The following TMC2 variants were observed in gnomAD, a reference collection of about 807,000 sequenced individuals.
TMC2 encodes the protein transmembrane channel-like protein 2.
TMC2 carries 102 observed loss-of-function variants against 105.9 expected under a neutral mutation model. That is an observed-to-expected ratio of 0.96 (90% CI 0.82 to 1.14). The LOEUF is 1.14. TMC2 is among the 50% of genes most tolerant of loss of function. The pLI, the probability that TMC2 is intolerant of heterozygous loss-of-function variation, is 0.00. For synonymous variants in TMC2, 402 were observed against 422.8 expected (o/e 0.95, Z 0.60); for missense variants, 1,093 against 1,134.3 (o/e 0.96, Z 0.52).
chr20:2,621,365 A>C (rs1271052619), intron 16 of TMC2, among the ~76,000 whole-genome samples: 2 of 149,788 alleles, frequency 1.3e-5, no homozygotes, highest in African/African-American at 5.0e-5. Context: ...CCATCTCAAC[A>C]ACAACAAAAA....
chr20:2,612,796 G>C (rs1770739614), intron 13 of TMC2, among the ~76,000 whole-genome samples: 1 of 152,304 alleles, frequency 6.6e-6, no homozygotes, highest in South Asian at 2.1e-4. Flanking sequence ...TCTTAGTGGG[G>C]GCAGCTGGCA....
At chr20:2,615,000 GT>G (rs900828960) in intron 14 of TMC2, among the ~76,000 whole-genome samples, 1 of 151,822 alleles carries the variant, frequency 6.6e-6, no homozygotes, top group East Asian at 1.9e-4. Context: ...GTAGATATGT[GT>G]TTTTTTTAAC....
intron 7 of TMC2, among the ~76,000 whole-genome samples, chr20:2,591,728 G>A (rs1383065532): frequency 1.3e-5 from 2 of 151,014 alleles, no homozygotes; most frequent in African/African-American, 4.9e-5. Context: ...GAAAAGAAAA[G>A]AGAAAAGAGA....
At chr20:2,541,173 G>A (rs1051650908) in intron 2 of TMC2, among the ~76,000 whole-genome samples, 7 of 152,190 alleles carry the variant, frequency 4.6e-5, no homozygotes, top group Middle Eastern at 3.4e-3. Flanking sequence ...AAGACTTCAT[G>A]GTAATTATTT....
At chr20:2,565,285 G>C (rs903482333) in intron 4 of TMC2, among the ~76,000 whole-genome samples, 1 of 152,188 alleles carries the variant, frequency 6.6e-6, no homozygotes, top group South Asian at 2.1e-4. Flanking sequence ...CTGTGATGTC[G>C]GTACTGCCAT....
At chr20:2,573,140 TA>T (rs1568509863) in intron 5 of TMC2, among the ~76,000 whole-genome samples, 1 of 152,086 alleles carries the variant, frequency 6.6e-6, no homozygotes, top group South Asian at 2.1e-4. Flanking sequence ...ACTTTGTTTT[TA>T]AAAAATAAAA....
chr20:2,604,997 C>A (rs2086378433), intron 11 of TMC2, among the ~76,000 whole-genome samples: 1 of 152,228 alleles, frequency 6.6e-6, no homozygotes, highest in Non-Finnish European at 1.5e-5. Flanking sequence ...GTGAGAATCT[C>A]TGCTTTATAG....
intron 7 of TMC2, among the ~76,000 whole-genome samples, chr20:2,586,225 T>G (rs60424585): frequency 0.06 from 9,123 of 152,204 alleles, 892 homozygotes; most frequent in African/African-American, 0.2. Flanking sequence ...CTCCTTGAGT[T>G]CAGTTCTCTT....
rs1176122930 is a variant in TMC2 at position 2,592,082 on chromosome 20, G to A, written c.835-228G>A. Among the ~76,000 whole-genome samples, 1 of 152,226 alleles carries A rather than the reference G, an allele frequency of 6.6e-6. No individual in the cohort carries two copies. Among genetic ancestry groups the A allele is most frequent in the African/African-American group, 2.4e-5 (1 of 41,462 alleles). On this transcript the variant is annotated intron_variant, in intron 7 of 19. Coordinates refer to ENST00000358864, the MANE Select transcript of TMC2 (RefSeq NM_080751.3). The surrounding 1 kb of genome is among the most constrained non-coding windows in gnomAD (Gnocchi z 4.9). ...CAGGAGAATCACTTGAACCTGGGAGGCGGAGGTTACAGTAAGCTGAGACTG... is the reference window on the plus strand; with the variant it reads ...CAGGAGAATCACTTGAACCTGGGAGACGGAGGTTACAGTAAGCTGAGACTG...
intron 2 of TMC2, among the ~76,000 whole-genome samples, chr20:2,555,080 T>G (rs1171051598): frequency 6.6e-6 from 1 of 151,986 alleles, no homozygotes; most frequent in Non-Finnish European, 1.5e-5. Context: ...AGTTTTTTTA[T>G]GTTTTTGTTT....
At position 2,616,952 on chromosome 20, in the gene TMC2, C is replaced by A. The variant is rs1805087385; in HGVS notation, c.1941-120C>A. The A allele has an allele frequency of 1.7e-6, 2 of 1,186,918 alleles. No individual in the cohort carries two copies. The highest frequency in any genetic ancestry group is 4.0e-5 in the Admixed American group (2 of 49,568). 73.5% of individuals were successfully genotyped at this position (1,186,918 alleles called of 1,614,324 possible). A position where few individuals can be genotyped will look rare whatever the true frequency, so the allele number is the denominator to read the frequency against. On this transcript the variant is annotated intron_variant, in intron 15 of 19. Coordinates refer to ENST00000358864, the MANE Select transcript of TMC2 (RefSeq NM_080751.3). This position sits in a 1 kb window ranked among gnomAD's most constrained non-coding sequence, Gnocchi z 4.8. ...AAATGGGAGGCCCCTTACCTGGGGACTTGCCAGGAAAGCAGCTCGGCCTCA... is the reference window on the plus strand; with the variant it reads ...AAATGGGAGGCCCCTTACCTGGGGAATTGCCAGGAAAGCAGCTCGGCCTCA...
rs1206445417 is a variant in TMC2, at chr20:2,597,124, G to C, written c.1077-27G>C. The C allele has an allele frequency of 6.8e-6, 11 of 1,608,480 alleles. No homozygotes were observed. In the East Asian group the frequency reaches 2.5e-4, roughly 36 times the overall value. On this transcript the variant is annotated intron_variant, in intron 9 of 19. Transcript: ENST00000358864. ...GTGACACAGCAGAAAGAGGGCAGACGTCACAACAGTGCTGTGTGCCCTACA... is the reference window on the plus strand; with the variant it reads ...GTGACACAGCAGAAAGAGGGCAGACCTCACAACAGTGCTGTGTGCCCTACA...
At chr20:2,638,658 C>A (rs749313548) in intron 19 of TMC2, among the ~76,000 whole-genome samples, 1 of 152,058 alleles carries the variant, frequency 6.6e-6, no homozygotes, top group Non-Finnish European at 1.5e-5. Context: ...TATTGATGAT[C>A]CCAACCCTTT....
chr20:2,583,860 G>A (rs544357791), intron 7 of TMC2, among the ~76,000 whole-genome samples: 11 of 152,086 alleles, frequency 7.2e-5, no homozygotes, highest in African/African-American at 1.4e-4. Flanking sequence ...TCCTGGAAGC[G>A]AAGGACCCAG....
At chr20:2,554,198 C>T (rs1345876821) in intron 2 of TMC2, among the ~76,000 whole-genome samples, 1 of 152,054 alleles carries the variant, frequency 6.6e-6, no homozygotes, top group African/African-American at 2.4e-5. Flanking sequence ...CCTTTATTAT[C>T]TTTTTAATGT....
intron 11 of TMC2, among the ~76,000 whole-genome samples, chr20:2,607,896 G>A (rs6132827): frequency 0.22 from 33,883 of 152,024 alleles, 4,259 homozygotes; most frequent in East Asian, 0.36. Context: ...AGGCCAAGGC[G>A]GGTGGATCAC....
At chr20:2,538,600 G>A (rs1011049127) in intron 2 of TMC2, among the ~76,000 whole-genome samples, 1 of 152,186 alleles carries the variant, frequency 6.6e-6, no homozygotes, top group Admixed American at 6.5e-5. Flanking sequence ...CTGCAGGGCT[G>A]TGCTGTGCGG....
At chr20:2,627,001 G>T (rs1322638986) in intron 17 of TMC2, among the ~76,000 whole-genome samples, 2 of 152,202 alleles carry the variant, frequency 1.3e-5, no homozygotes, top group Admixed American at 1.3e-4. Flanking sequence ...TTGGTCAGCT[G>T]TTTGATTGAT....
At chr20:2,624,697 G>A (rs2086551895) in intron 17 of TMC2, among the ~76,000 whole-genome samples, 1 of 152,120 alleles carries the variant, frequency 6.6e-6, no homozygotes, top group South Asian at 2.1e-4. Context: ...CGTCATTCAT[G>A]GGTAAAATGG....
Sources: gnomAD v4.1 joint callset for allele counts (sites outside exome capture counted in the v4.1 genomes callset) on GRCh38, gnomAD v4.1.1 for gene constraint, Gnocchi (gnomAD v3.1) non-coding constraint, MANE v1.5 for transcripts, NCBI Gene and HGNC (gene_info 2026-07-23, HGNC 2026-07-21) for gene names.